Variants in MAGT1 observed in about 807,000 individuals in gnomAD.
The protein encoded by MAGT1 is dolichyl-diphosphooligosaccharide--protein glycosyltransferase subunit MAGT1.
MAGT1 carries 4 observed loss-of-function variants against 28.4 expected under a neutral mutation model. That is an observed-to-expected ratio of 0.14 (90% CI 0.07 to 0.32). The LOEUF is 0.32. Ranked by LOEUF, MAGT1 falls within the 10% of genes least tolerant of loss-of-function variation. MAGT1 has a pLI of 1.00. For synonymous variants in MAGT1, 89 were observed against 89.7 expected, an observed-to-expected ratio of 0.99 and a Z score of 0.04; for missense variants, 193 against 264.5, an observed-to-expected ratio of 0.73 and a Z score of 1.88.
At chrX:77,851,171 A>G (rs781927328) in intron 7 of MAGT1, among the ~76,000 whole-genome samples, 2 of 108,625 alleles carry the variant, frequency 1.8e-5, no homozygotes, top group Non-Finnish European at 3.8e-5. Context: ...AGGTTTCGCT[A>G]TGTTGGCCAG....
At chrX:77,856,244 T>G (rs908259392) in intron 5 of MAGT1, among the ~76,000 whole-genome samples, 2 of 108,980 alleles carry the variant, frequency 1.8e-5, no homozygotes, top group African/African-American at 6.7e-5. Context: ...AAGACCAGCC[T>G]GGCCAACATG....
intron 8 of MAGT1, among the ~76,000 whole-genome samples, chrX:77,831,700 C>A (rs1402182749): frequency 9.2e-6 from 1 of 109,101 alleles, no homozygotes; most frequent in East Asian, 2.9e-4. Context: ...TCAAGCAATC[C>A]TCCCACTACA....
At chrX:77,830,783 A>T in intron 9 of MAGT1, 22 bp downstream of exon 9, 1 of 960,460 alleles carries the variant, frequency 1.0e-6, no homozygotes, top group East Asian at 3.3e-5. Flanking sequence ...ATCACTGTAT[A>T]AACAAAAAAT....
intron 7 of MAGT1, among the ~76,000 whole-genome samples, chrX:77,841,879 G>A (rs1423932208): frequency 2.4e-5 from 2 of 84,253 alleles, no homozygotes; most frequent in Non-Finnish European, 4.8e-5. Context: ...TTGTAGAGAT[G>A]GGGTTTTGCC....
chrX:77,828,178 C>T lies in MAGT1; in HGVS notation c.*1042G>A, dbSNP rs948262589. On this transcript the variant is annotated 3_prime_UTR_variant, in exon 10 of 10. Transcript: ENST00000618282. The stretch of plus-strand genomic sequence containing the variant: ...TATTTTTAGTAGAGACGGGGTTTTG[C>T]CTTGTTGGCCAGGCTGGTCTCTAAC... 4.5e-5 allele frequency: 5 copies of T among 110,582 alleles called. No homozygotes were observed. In the Admixed American group the frequency reaches 4.8e-4, roughly 11 times the overall value. 9.1% of individuals were successfully genotyped at this position (110,582 alleles called of 1,213,427 possible). A position where few individuals can be genotyped will look rare whatever the true frequency, so the allele number is the denominator to read the frequency against.
intron 8 of MAGT1, among the ~76,000 whole-genome samples, chrX:77,839,867 G>A (rs1461816111): frequency 1.8e-5 from 2 of 109,357 alleles, no homozygotes; most frequent in African/African-American, 6.6e-5. Context: ...TGATGGCCTC[G>A]AACTCCTGAC....
At chrX:77,858,497 T>C (rs1479851904) in intron 3 of MAGT1, among the ~76,000 whole-genome samples, 1 of 111,803 alleles carries the variant, frequency 8.9e-6, no homozygotes, top group Non-Finnish European at 1.9e-5. Flanking sequence ...GGCCTTACAA[T>C]TATAATTTTA....
At chrX:77,833,973 C>T (rs1017681394) in intron 8 of MAGT1, among the ~76,000 whole-genome samples, 1 of 109,020 alleles carries the variant, frequency 9.2e-6, no homozygotes, top group Middle Eastern at 4.8e-3. Context: ...CAGAAACAAA[C>T]CCATACACCT....
chrX:77,881,891 A>G (rs1399046614), intron 1 of MAGT1, among the ~76,000 whole-genome samples: 78 of 111,744 alleles, frequency 7.0e-4, no homozygotes, highest in Admixed American at 3.0e-3. Flanking sequence ...CAATGCAAAA[A>G]TCCTCAATAA....
intron 8 of MAGT1, among the ~76,000 whole-genome samples, chrX:77,834,620 C>T (rs1022386102): frequency 6.3e-5 from 7 of 110,521 alleles, no homozygotes; most frequent in African/African-American, 2.3e-4. Flanking sequence ...AGGTGTGAGT[C>T]ACTGTGCCTG....
chrX:77,855,038 G>A (rs1557215835), intron 6 of MAGT1, among the ~76,000 whole-genome samples: 3 of 111,815 alleles, frequency 2.7e-5, no homozygotes, highest in Non-Finnish European at 1.9e-5. Context: ...GGGTGCGGTG[G>A]CTCATGCCTG....
chrX:77,877,058 C>T (rs1357309338), intron 1 of MAGT1, among the ~76,000 whole-genome samples: 1 of 99,134 alleles, frequency 1.0e-5, no homozygotes, highest in African/African-American at 3.7e-5. Context: ...CAAAATAGAT[C>T]ATATACTTAA....
At chrX:77,858,703 A>G (rs782476144) in intron 3 of MAGT1, among the ~76,000 whole-genome samples, 2 of 111,533 alleles carry the variant, frequency 1.8e-5, no homozygotes, top group South Asian at 7.5e-4. Flanking sequence ...ACCAATGTCC[A>G]TAGATTTATA....
intron 2 of MAGT1, among the ~76,000 whole-genome samples, chrX:77,873,857 C>A (rs1391357639): frequency 2.7e-5 from 3 of 111,419 alleles, no homozygotes; most frequent in African/African-American, 6.5e-5. Context: ...CCAGAACTTA[C>A]CCCCCTCATC....
intron 8 of MAGT1, chrX:77,837,343 C>T (rs1266876845): frequency 1.8e-5 from 2 of 112,019 alleles, no homozygotes; most frequent in African/African-American, 6.5e-5. Flanking sequence ...AGAAGATTAG[C>T]ATGGCCCCTG....
At chrX:77,866,544 C>T (rs1032918284) in intron 3 of MAGT1, among the ~76,000 whole-genome samples, 2 of 66,532 alleles carry the variant, frequency 3.0e-5, no homozygotes, top group African/African-American at 7.0e-5. Flanking sequence ...AAATGGCCTT[C>T]GCAAAATTAT....
At chrX:77,862,965 G>A (rs1343866631) in intron 3 of MAGT1, among the ~76,000 whole-genome samples, 8 of 110,076 alleles carry the variant, frequency 7.3e-5, no homozygotes, top group African/African-American at 9.9e-5. Flanking sequence ...TCAGGAGTTC[G>A]AGATCAGCCT....
At chrX:77,855,446 T>C in intron 6 of MAGT1, 55 bp downstream of exon 6, 1 of 871,864 alleles carries the variant, frequency 1.1e-6, no homozygotes, top group Non-Finnish European at 1.7e-6. Flanking sequence ...CACAGGGTAA[T>C]AATCATTGAG....
At chrX:77,844,527 A>C (rs1373342499) in intron 7 of MAGT1, among the ~76,000 whole-genome samples, 50 of 110,449 alleles carry the variant, frequency 4.5e-4, no homozygotes, top group Non-Finnish European at 6.2e-4. Context: ...TATTTCTTTT[A>C]ATTGTGATGT....
Sources: gnomAD v4.1 joint callset for allele counts (sites outside exome capture counted in the v4.1 genomes callset) on GRCh38, gnomAD v4.1.1 for gene constraint, MANE v1.5 for transcripts, NCBI Gene and HGNC (gene_info 2026-07-23, HGNC 2026-07-21) for gene names.